EYA2: variants seen among roughly 807,000 people sequenced by gnomAD.
EYA2 encodes protein phosphatase EYA2.
A neutral mutation model predicts 69.2 loss-of-function variants in EYA2; 31 were observed. That is an observed-to-expected ratio of 0.45 (90% CI 0.34 to 0.60). The LOEUF (loss-of-function observed/expected upper bound fraction) is 0.60. Ranked by LOEUF, EYA2 falls within the 20% of genes least tolerant of loss-of-function variation. The pLI, the probability that EYA2 is intolerant of heterozygous loss-of-function variation, is 0.02. For synonymous variants in EYA2, 257 were observed against 279.4 expected (o/e 0.92, Z 0.80); for missense variants, 622 against 701.2 (o/e 0.89, Z 1.28).
At chr20:46,899,875 C>T (rs983166802) in intron 1 of EYA2, among the ~76,000 whole-genome samples, 1 of 152,208 alleles carries the variant, frequency 6.6e-6, no homozygotes, top group Non-Finnish European at 1.5e-5. Context: ...GTTGTGCCTG[C>T]TCGTGCATTT....
intron 5 of EYA2, among the ~76,000 whole-genome samples, chr20:47,019,191 C>G (rs1983600236): frequency 1.3e-5 from 2 of 152,186 alleles, no homozygotes; most frequent in Non-Finnish European, 2.9e-5. Flanking sequence ...GCCCCACCCC[C>G]CACCTCAATC....
chr20:46,974,875 A>G (rs573324369), intron 1 of EYA2, among the ~76,000 whole-genome samples: 1 of 152,178 alleles, frequency 6.6e-6, no homozygotes, highest in Non-Finnish European at 1.5e-5. Context: ...CTGTCACTGC[A>G]CGTTGGGTGC....
chr20:47,083,360 T>C (rs1335124066), intron 7 of EYA2, among the ~76,000 whole-genome samples: 2 of 152,134 alleles, frequency 1.3e-5, no homozygotes, highest in African/African-American at 2.4e-5. Context: ...GTGGATCACC[T>C]GAGGTCAGGA....
In EYA2 at chr20:46,950,655, G is replaced by A. The variant is rs532747506; in HGVS notation, c.-10-39346G>A. On this transcript the variant is annotated intron_variant, in intron 1 of 15. Coordinates refer to ENST00000327619, the MANE Select transcript of EYA2 (RefSeq NM_005244.5). ...AGGTCGTACTCAAATTGCCTCTGCC[G>A]TGTTGGTTGTTTCTGTCACTGTGCA... is the stretch of plus-strand genomic sequence containing the variant. 6.6e-5 allele frequency among the ~76,000 whole-genome samples: 10 copies of A among 152,324 alleles called. No individual in the cohort carries two copies. The South Asian group carries it at 1.7e-3, about 25-fold the overall frequency.
intron 1 of EYA2, among the ~76,000 whole-genome samples, chr20:46,958,865 A>G (rs1263176424): frequency 2.0e-5 from 3 of 152,322 alleles, no homozygotes; most frequent in South Asian, 2.1e-4. Context: ...CCTGCAAAGG[A>G]CGTGATCTCG....
chr20:47,162,517 CTT>C (rs10634442), intron 10 of EYA2, among the ~76,000 whole-genome samples: 26 of 121,544 alleles, frequency 2.1e-4, no homozygotes, highest in African/African-American at 4.5e-4. Context: ...ACACATTATC[CTT>C]TTTTTTTTTT....
intron 4 of EYA2, 115 bp downstream of exon 4, chr20:47,005,199 A>G: frequency 8.2e-7 from 1 of 1,224,862 alleles, no homozygotes; most frequent in East Asian, 2.4e-5. Flanking sequence ...CTGATTTTGG[A>G]TTAGAGATAA....
At chr20:47,147,824 C>G (rs1346286041) in intron 10 of EYA2, among the ~76,000 whole-genome samples, 1 of 152,004 alleles carries the variant, frequency 6.6e-6, no homozygotes, top group Non-Finnish European at 1.5e-5. Context: ...TTTGGGAGGC[C>G]GAGGCGGGTG....
At chr20:47,150,709 C>T (rs1186703629) in intron 10 of EYA2, among the ~76,000 whole-genome samples, 9 of 151,996 alleles carry the variant, frequency 5.9e-5, no homozygotes, top group African/African-American at 2.2e-4. Context: ...TCAAGGAATC[C>T]TCCTGCCTTG....
chr20:46,982,813 AC>A (rs1402302246), intron 1 of EYA2, among the ~76,000 whole-genome samples: 5 of 137,240 alleles, frequency 3.6e-5, no homozygotes, highest in African/African-American at 1.4e-4. Flanking sequence ...TGCTTGTGTC[AC>A]CCAGGCTGGA....
At chr20:47,050,221 CTTG>C (rs2146432994) in intron 5 of EYA2, among the ~76,000 whole-genome samples, 1 of 152,306 alleles carries the variant, frequency 6.6e-6, no homozygotes, top group East Asian at 1.9e-4. Flanking sequence ...GGCTTTCTCT[CTTG>C]TTAACTTTGA....
chr20:47,182,617 G>A (rs1265649451), intron 14 of EYA2, among the ~76,000 whole-genome samples: 4 of 35,530 alleles, frequency 1.1e-4, no homozygotes, highest in Non-Finnish European at 2.0e-4. Context: ...CAACAAGAAC[G>A]AGACTCCGTC....
At chr20:46,943,236 G>A (rs2146265102) in intron 1 of EYA2, among the ~76,000 whole-genome samples, 1 of 152,180 alleles carries the variant, frequency 6.6e-6, no homozygotes, top group East Asian at 1.9e-4. Context: ...ATCCTACGAT[G>A]CACAGGACAT....
At chr20:47,139,847 C>T (rs776585236) in intron 9 of EYA2, among the ~76,000 whole-genome samples, 1 of 152,128 alleles carries the variant, frequency 6.6e-6, no homozygotes, top group African/African-American at 2.4e-5. Context: ...CTTTTCTCAC[C>T]CTTGACCCCA....
chr20:47,008,875 A>G (rs1056226078), intron 4 of EYA2, among the ~76,000 whole-genome samples: 1 of 152,134 alleles, frequency 6.6e-6, no homozygotes, highest in Non-Finnish European at 1.5e-5. Flanking sequence ...AAATGAGATC[A>G]TCTACACCAG....
chr20:46,920,835 C>G (rs956473107), intron 1 of EYA2, among the ~76,000 whole-genome samples: 3 of 152,222 alleles, frequency 2.0e-5, no homozygotes, highest in Non-Finnish European at 4.4e-5. Context: ...CAGGACTCAT[C>G]ATCTCTCTGG....
At chr20:47,107,647 C>G (rs989445889) in intron 9 of EYA2, among the ~76,000 whole-genome samples, 1 of 150,814 alleles carries the variant, frequency 6.6e-6, no homozygotes, top group African/African-American at 2.4e-5. Context: ...TCAAGACCAG[C>G]CTGGACAACA....
chr20:46,998,115 T>A, intron 2 of EYA2: 1 of 164,934 alleles, frequency 6.1e-6, no homozygotes, highest in South Asian at 1.7e-4. Flanking sequence ...TCAGTGGCAC[T>A]GCCAAGGCTG....
intron 7 of EYA2, among the ~76,000 whole-genome samples, chr20:47,085,472 C>A (rs1253176089): frequency 1.3e-5 from 2 of 151,994 alleles, no homozygotes; most frequent in East Asian, 1.9e-4. Context: ...ATGGTAAAAT[C>A]CTGTCTCTAC....
Sources: gnomAD v4.1 joint callset for allele counts (sites outside exome capture counted in the v4.1 genomes callset) on GRCh38, gnomAD v4.1.1 for gene constraint, MANE v1.5 for transcripts, NCBI Gene and HGNC (gene_info 2026-07-23, HGNC 2026-07-21) for gene names.